The following DCTN4 variants were observed in gnomAD, a reference collection of about 807,000 sequenced individuals.
DCTN4 encodes the protein dynactin subunit 4.
Under a neutral mutation model 62.7 loss-of-function variants are expected in DCTN4, and 23 were observed. That is an observed-to-expected ratio of 0.37 (90% CI 0.26 to 0.52). DCTN4 has a LOEUF of 0.52. Ranked by LOEUF, DCTN4 falls within the 20% of genes least tolerant of loss-of-function variation. The probability of loss-of-function intolerance (pLI) is 0.92; values close to 1 mark genes in which losing one functional copy is unlikely to be tolerated. For synonymous variants in DCTN4, 199 were observed against 202.1 expected (o/e 0.98, Z 0.13); for missense variants, 514 against 580.4 (o/e 0.89, Z 1.18).
At chr5:150,715,776 T>C (rs1158635040) in intron 11 of DCTN4, 114 bp from the exon 12 acceptor site, 1 of 769,514 alleles carries the variant, frequency 1.3e-6, no homozygotes, top group East Asian at 2.6e-5. Context: ...AGGAAACATA[T>C]ACTACTTCTA....
chr5:150,714,715 G>A (rs1759693129), intron 12 of DCTN4, among the ~76,000 whole-genome samples: 2 of 152,106 alleles, frequency 1.3e-5, no homozygotes, highest in Admixed American at 1.3e-4. Flanking sequence ...GCAGTAAGCA[G>A]TTGAAGTTTT....
At chr5:150,714,222 C>T (rs959653998) in intron 12 of DCTN4, among the ~76,000 whole-genome samples, 2 of 152,164 alleles carry the variant, frequency 1.3e-5, no homozygotes, top group African/African-American at 4.8e-5. Flanking sequence ...CAGGATTCTG[C>T]TTGGACTGTA....
intron 3 of DCTN4, among the ~76,000 whole-genome samples, chr5:150,743,691 G>A (rs1760854206): frequency 6.6e-6 from 1 of 152,140 alleles, no homozygotes; most frequent in South Asian, 2.1e-4. Flanking sequence ...AGGCAAACGG[G>A]GACTGAAGTG....
intron 3 of DCTN4, among the ~76,000 whole-genome samples, chr5:150,747,914 G>A (rs1328073223): frequency 1.8e-4 from 26 of 143,788 alleles, no homozygotes; most frequent in African/African-American, 4.3e-4. Flanking sequence ...CAAAAGCAAT[G>A]GCAACAAAAG....
At chr5:150,750,539 G>A (rs1752635902) in intron 3 of DCTN4, among the ~76,000 whole-genome samples, 1 of 152,038 alleles carries the variant, frequency 6.6e-6, no homozygotes, top group Non-Finnish European at 1.5e-5. Flanking sequence ...CAAAAGCAAA[G>A]AAAATGAAAA....
intron 3 of DCTN4, among the ~76,000 whole-genome samples, chr5:150,753,039 T>C (rs928936478): frequency 6.6e-6 from 1 of 152,130 alleles, no homozygotes; most frequent in African/African-American, 2.4e-5. Context: ...CTAATTTTTG[T>C]ATTTTTTAGT....
intron 8 of DCTN4, among the ~76,000 whole-genome samples, chr5:150,728,349 T>G (rs1473810873): frequency 6.6e-6 from 1 of 152,214 alleles, no homozygotes; most frequent in African/African-American, 2.4e-5. Context: ...GTGTTCTGTG[T>G]GTACTTGAAA....
intron 8 of DCTN4, among the ~76,000 whole-genome samples, chr5:150,729,981 T>TA (rs1432484672): frequency 6.6e-6 from 1 of 152,076 alleles, no homozygotes; most frequent in Admixed American, 6.6e-5. Flanking sequence ...TCTTCTAATC[T>TA]AGAGAATGAT....
rs1232055618 is a variant in DCTN4 at position 150,718,403 on chromosome 5, T to C, written c.964-20A>G. ...GCTCTCCTGGTGAATAGGAAACACATCTCTCAGACATTCGCCACTTTCTTA... is the reference window on the plus strand; with the variant it reads ...GCTCTCCTGGTGAATAGGAAACACACCTCTCAGACATTCGCCACTTTCTTA... On this transcript the variant is annotated intron_variant, in intron 10 of 12. Coordinates refer to ENST00000447998, the MANE Select transcript of DCTN4 (RefSeq NM_016221.4). 6.4e-7 allele frequency: 1 copy of C among 1,566,842 alleles called. No individual in the cohort carries two copies. Among genetic ancestry groups the C allele is most frequent in the Non-Finnish European group, 8.8e-7 (1 of 1,139,292 alleles).
At chr5:150,757,020 A>G (rs1245486690) in intron 1 of DCTN4, among the ~76,000 whole-genome samples, 1 of 152,228 alleles carries the variant, frequency 6.6e-6, no homozygotes, top group Non-Finnish European at 1.5e-5. Context: ...TTAATGGGAC[A>G]GTCTTATTGT....
At chr5:150,742,413 AC>A (rs1301729837) in intron 3 of DCTN4, among the ~76,000 whole-genome samples, 1 of 152,166 alleles carries the variant, frequency 6.6e-6, no homozygotes, top group African/African-American at 2.4e-5. Flanking sequence ...TCTCATAACA[AC>A]CCTCTGAGGT....
At chr5:150,721,207 A>C (rs1581569207) in intron 9 of DCTN4, among the ~76,000 whole-genome samples, 1 of 152,128 alleles carries the variant, frequency 6.6e-6, no homozygotes, top group Admixed American at 6.5e-5. Context: ...TTGTTTCCTA[A>C]TACTTATTTT....
chr5:150,748,139 C>T (rs1320476850), intron 3 of DCTN4, among the ~76,000 whole-genome samples: 1 of 152,144 alleles, frequency 6.6e-6, no homozygotes. Flanking sequence ...TATCAACAGA[C>T]ACTTCTCAAA....
chr5:150,753,433 C>A, intron 3 of DCTN4, 46 bp downstream of exon 3: 1 of 1,554,788 alleles, frequency 6.4e-7, no homozygotes, highest in South Asian at 1.1e-5. Flanking sequence ...GCAATTATAG[C>A]ACTGTCAATT....
chr5:150,735,878 G>C (rs1311146950), intron 4 of DCTN4, among the ~76,000 whole-genome samples: 1 of 149,742 alleles, frequency 6.7e-6, no homozygotes, highest in Non-Finnish European at 1.5e-5. Flanking sequence ...TACTCAAAGG[G>C]GCACCAGAGA....
In DCTN4 at chr5:150,708,557, A is replaced by C. The variant is rs10072365; in HGVS notation, c.*2592T>G. 4,455 of 152,758 alleles carry C rather than the reference A, an allele frequency of 0.029. 78 individuals carry two copies. The highest frequency in any genetic ancestry group is 0.051 in the Middle Eastern group (15 of 294). The allele number at this position is 152,758 out of a possible 1,614,324, so 9.5% of individuals were successfully genotyped here. On this transcript the variant is annotated 3_prime_UTR_variant, in exon 13 of 13. Coordinates refer to ENST00000447998, the MANE Select transcript of DCTN4 (RefSeq NM_016221.4). ...TGGTTCTGTGAATATGTATATAAGA[A>C]GCTCAAAGCAACATCTACTTATATA...
intron 3 of DCTN4, among the ~76,000 whole-genome samples, chr5:150,751,819 T>A (rs1009035450): frequency 4.6e-5 from 7 of 152,180 alleles, no homozygotes; most frequent in African/African-American, 1.7e-4. Context: ...GCTCAAAGCA[T>A]TCTAAACCAA....
At chr5:150,740,668 G>A (rs1010751459) in intron 4 of DCTN4, among the ~76,000 whole-genome samples, 1 of 152,178 alleles carries the variant, frequency 6.6e-6, no homozygotes, top group Admixed American at 6.5e-5. Flanking sequence ...ATCAATCAAT[G>A]AGTGGATAAA....
chr5:150,734,317 GA>G (rs1243798629), intron 4 of DCTN4: 3 of 152,228 alleles, frequency 2.0e-5, no homozygotes, highest in Non-Finnish European at 4.4e-5. Context: ...CCATGTGTAA[GA>G]GGGGGAAAAT....
Sources: allele counts gnomAD v4.1 joint callset (sites outside exome capture counted in the v4.1 genomes callset), GRCh38; gene constraint gnomAD v4.1.1; transcripts MANE v1.5; gene names NCBI Gene and HGNC (gene_info 2026-07-23, HGNC 2026-07-21).